The following PDE8A variants were observed in gnomAD, a reference collection of about 807,000 sequenced individuals.
The protein encoded by PDE8A is high affinity cAMP-specific and IBMX-insensitive 3',5'-cyclic phosphodiesterase 8A.
A neutral mutation model predicts 105.0 loss-of-function variants in PDE8A; 59 were observed. The ratio of observed to expected loss-of-function variants is 0.56; its 90% CI spans 0.46 to 0.70. The LOEUF is 0.70. Ranked by LOEUF, PDE8A falls within the 30% of genes least tolerant of loss-of-function variation. PDE8A has a pLI of 0.00. For synonymous variants in PDE8A, 355 were observed against 371.9 expected, an observed-to-expected ratio of 0.95 and a Z score of 0.52; for missense variants, 1,014 against 1,045.9, an observed-to-expected ratio of 0.97 and a Z score of 0.42.
At chr15:85,035,638 A>G (rs1377259748) in intron 1 of PDE8A, among the ~76,000 whole-genome samples, 2 of 152,212 alleles carry the variant, frequency 1.3e-5, no homozygotes, top group Admixed American at 6.5e-5. Context: ...TAATAAATAA[A>G]TGAATGAAAC....
In PDE8A at chr15:85,089,353, A is replaced by T; in HGVS notation, c.651A>T (p.Val217=). 6.4e-7 allele frequency: 1 copy of T among 1,573,066 alleles called. No homozygotes were observed. Among genetic ancestry groups the T allele is most frequent in the African/African-American group, 1.3e-5 (1 of 74,246 alleles). The change falls in exon 7 of 22, where the codon GTA becomes GTT. Residue 217 remains valine (V), a synonymous_variant. Coordinates refer to ENST00000394553, the MANE Select transcript of PDE8A (RefSeq NM_002605.3). ...ACTCATAAAGGGCTTGTAACTCAGTATTCACTGCATTAGAAAACAGTGAAG... is the reference window on the plus strand; with the variant it reads ...ACTCATAAAGGGCTTGTAACTCAGTTTTCACTGCATTAGAAAACAGTGAAG... The part of the protein sequence containing the change: ...SQLKLRACNS[V]FTALENSEDA...
At chr15:85,044,476 G>A (rs1350474795) in intron 1 of PDE8A, among the ~76,000 whole-genome samples, 1 of 152,110 alleles carries the variant, frequency 6.6e-6, no homozygotes, top group African/African-American at 2.4e-5. Context: ...GGGTGGATCT[G>A]GAAAGGACCA....
intron 1 of PDE8A, among the ~76,000 whole-genome samples, chr15:85,060,759 A>AT (rs968440286): frequency 6.6e-4 from 99 of 150,970 alleles, no homozygotes; most frequent in African/African-American, 1.8e-3. Context: ...TAGACCAATG[A>AT]TTTTTTTTTT....
At chr15:85,065,052 G>T (rs572064558) in intron 2 of PDE8A, among the ~76,000 whole-genome samples, 1 of 151,776 alleles carries the variant, frequency 6.6e-6, no homozygotes, top group African/African-American at 2.4e-5. Flanking sequence ...TATGTGTTTA[G>T]AGAGAGAGAG....
chr15:85,118,398 G>T (rs2082129309), intron 17 of PDE8A, among the ~76,000 whole-genome samples: 1 of 152,098 alleles, frequency 6.6e-6, no homozygotes, highest in African/African-American at 2.4e-5. Context: ...ACACCTAAAT[G>T]TTCTCAGATT....
At chr15:84,996,941 G>A (rs551352929) in intron 1 of PDE8A, among the ~76,000 whole-genome samples, 1 of 150,962 alleles carries the variant, frequency 6.6e-6, no homozygotes, top group Non-Finnish European at 1.5e-5. Flanking sequence ...GTGAGTGAAT[G>A]TGAAGGCCTA....
intron 1 of PDE8A, among the ~76,000 whole-genome samples, chr15:84,995,976 C>G (rs1332375049): frequency 2.0e-5 from 3 of 152,010 alleles, no homozygotes; most frequent in Non-Finnish European, 4.4e-5. Context: ...TTATTTCTCC[C>G]TAGTATGTTT....
intron 20 of PDE8A, among the ~76,000 whole-genome samples, chr15:85,127,053 G>C (rs554384910): frequency 6.6e-6 from 1 of 152,044 alleles, no homozygotes; most frequent in East Asian, 1.9e-4. Context: ...AAAGTTAGCC[G>C]GGCATAGTGA....
intron 1 of PDE8A, among the ~76,000 whole-genome samples, chr15:85,048,195 T>G (rs1162718578): frequency 6.6e-6 from 1 of 152,160 alleles, no homozygotes; most frequent in Non-Finnish European, 1.5e-5. Context: ...GATTTTTTGT[T>G]GTCGCTTAAA....
chr15:85,120,922 T>C lies in PDE8A; in HGVS notation c.1860T>C (p.Asn620=). The C allele has an allele frequency of 1.2e-6, 2 of 1,614,054 alleles. No homozygotes were observed. Among genetic ancestry groups the C allele is most frequent in the East Asian group, 2.2e-5 (1 of 44,888 alleles). Residue 620 remains asparagine (N), a synonymous_variant, in exon 18 of 22, where the codon AAT becomes AAC. Transcript: ENST00000394553. ...NAGSELAILY[N]DTAVLESHHA... ...GAAGTGAGCTGGCCATTTTGTACAA[T>C]GACACTGCTGTGCTGGAGAGCCACC...
intron 13 of PDE8A, 49 bp downstream of exon 13, chr15:85,113,496 C>A: frequency 7.0e-7 from 1 of 1,437,394 alleles, no homozygotes. Flanking sequence ...ACTCCTTGTT[C>A]TCCCCAAGGA....
At chr15:85,003,068 G>T (rs900015589) in intron 1 of PDE8A, among the ~76,000 whole-genome samples, 1 of 151,484 alleles carries the variant, frequency 6.6e-6, no homozygotes, top group African/African-American at 2.4e-5. Context: ...GATTATATTG[G>T]TCAGGTTTCT....
At chr15:85,084,767 TC>T in intron 6 of PDE8A, among the ~76,000 whole-genome samples, 1 of 152,238 alleles carries the variant, frequency 6.6e-6, no homozygotes, top group Non-Finnish European at 1.5e-5. Context: ...ATTCATTCTT[TC>T]TTCCATCTCT....
chr15:85,074,030 A>G (rs2141477016), intron 3 of PDE8A, among the ~76,000 whole-genome samples: 1 of 152,330 alleles, frequency 6.6e-6, no homozygotes, highest in East Asian at 1.9e-4. Flanking sequence ...AGGCAGGTGG[A>G]TGCTAGAGGA....
At chr15:85,024,597 G>A (rs1417022273) in intron 1 of PDE8A, among the ~76,000 whole-genome samples, 2 of 148,334 alleles carry the variant, frequency 1.3e-5, no homozygotes. Flanking sequence ...TAGGCTTTTT[G>A]TTACATTAAC....
chr15:85,017,599 G>T (rs1370221695), intron 1 of PDE8A, among the ~76,000 whole-genome samples: 1 of 151,886 alleles, frequency 6.6e-6, no homozygotes, highest in East Asian at 1.9e-4. Context: ...TTTATTAAAG[G>T]AATAAGACCG....
At chr15:85,080,597 G>C (rs1312057808) in intron 5 of PDE8A, among the ~76,000 whole-genome samples, 1 of 152,192 alleles carries the variant, frequency 6.6e-6, no homozygotes, top group Admixed American at 6.5e-5. Flanking sequence ...TGCACTGTTG[G>C]AAATTTGTGC....
At chr15:85,046,901 A>G (rs2080896179) in intron 1 of PDE8A, among the ~76,000 whole-genome samples, 1 of 152,256 alleles carries the variant, frequency 6.6e-6, no homozygotes, top group South Asian at 2.1e-4. Flanking sequence ...TCTGTAAACC[A>G]TATTTACAAA....
At chr15:85,024,206 A>G (rs547384510) in intron 1 of PDE8A, among the ~76,000 whole-genome samples, 1 of 151,272 alleles carries the variant, frequency 6.6e-6, no homozygotes, top group East Asian at 1.9e-4. Flanking sequence ...CTTATCTCTA[A>G]CTTAGCAGGT....
Sources: gnomAD v4.1 joint callset for allele counts (sites outside exome capture counted in the v4.1 genomes callset) on GRCh38, gnomAD v4.1.1 for gene constraint, MANE v1.5 for transcripts, NCBI Gene and HGNC (gene_info 2026-07-23, HGNC 2026-07-21) for gene names.